Variants in CAB39L observed in about 807,000 individuals in gnomAD.
CAB39L encodes the protein calcium-binding protein 39-like.
In CAB39L, 23 loss-of-function variants were observed where a neutral mutation model predicts 39.1. The observed-to-expected ratio is 0.59, with a 90% CI of 0.42 to 0.83. The LOEUF (loss-of-function observed/expected upper bound fraction) is 0.83. CAB39L is among the 40% of genes least tolerant of loss of function. CAB39L has a pLI of 0.00. For missense variants in CAB39L, 366 were observed against 391.9 expected, an observed-to-expected ratio of 0.93 and a Z score of 0.56; for synonymous variants, 126 against 137.2, an observed-to-expected ratio of 0.92 and a Z score of 0.57.
intron 5 of CAB39L, among the ~76,000 whole-genome samples, chr13:49,375,474 A>G (rs967780031): frequency 5.9e-5 from 9 of 152,204 alleles, no homozygotes; most frequent in African/African-American, 2.2e-4. Flanking sequence ...ATGGAGACCT[A>G]AGATGGAGAG....
In CAB39L at chr13:49,359,067, G is replaced by A. The variant is rs187583730; in HGVS notation, c.395+647C>T. 2.2e-3 allele frequency among the ~76,000 whole-genome samples: 338 copies of A among 152,196 alleles called. 2 individuals are homozygous for A. Among genetic ancestry groups the A allele is most frequent in the African/African-American group, 7.8e-3 (322 of 41,498 alleles). Reference sequence around the variant, plus strand: ...ATAAAGAGACGTCCTGGTTTGAGATGGTGGAGTAGAAAGACAAGGGGAGGA... The same window carrying A: ...ATAAAGAGACGTCCTGGTTTGAGATAGTGGAGTAGAAAGACAAGGGGAGGA... On this transcript the variant is annotated intron_variant, in intron 6 of 10. Transcript: ENST00000409308.
intron 6 of CAB39L, 139 bp from the exon 7 acceptor site, chr13:49,351,051 A>T (rs1444206607): frequency 3.7e-6 from 2 of 547,436 alleles, no homozygotes; most frequent in Non-Finnish European, 5.9e-6. Context: ...ATATCCACTG[A>T]AGATCTACTA....
In CAB39L at chr13:49,344,166, G is replaced by T; in HGVS notation, c.624+13C>A. ...AGAAAGTGGGAAAGTCTTTAAAAAT[G>T]ATTTCTACTTACAGTGTCGTAATTT... On this transcript the variant is annotated intron_variant, in intron 8 of 10. Transcript: ENST00000409308. 2.0e-6 allele frequency: 3 copies of T among 1,500,786 alleles called. No homozygotes were observed. Among genetic ancestry groups the T allele is most frequent in the Non-Finnish European group, 2.8e-6 (3 of 1,077,580 alleles). The allele number at this position is 1,500,786 out of a possible 1,614,324, so 93.0% of individuals were successfully genotyped here. A position where few individuals can be genotyped will look rare whatever the true frequency, so the allele number is the denominator to read the frequency against.
intron 5 of CAB39L, among the ~76,000 whole-genome samples, chr13:49,365,055 G>T (rs1955737101): frequency 6.6e-6 from 1 of 152,066 alleles, no homozygotes; most frequent in African/African-American, 2.4e-5. Context: ...ATACTACAGA[G>T]CTATATAGTA....
chr13:49,382,175 A>T (rs1956264735), intron 4 of CAB39L, among the ~76,000 whole-genome samples: 1 of 152,086 alleles, frequency 6.6e-6, no homozygotes, highest in Non-Finnish European at 1.5e-5. Context: ...ACTTGCAAAA[A>T]AGCCATTTTT....
intron 10 of CAB39L, among the ~76,000 whole-genome samples, chr13:49,312,716 G>A (rs1454160818): frequency 6.6e-6 from 1 of 152,204 alleles, no homozygotes; most frequent in Non-Finnish European, 1.5e-5. Flanking sequence ...CTAGCTAGGA[G>A]CACGTGGGAG....
At chr13:49,338,641 T>C (rs1954916167) in intron 9 of CAB39L, among the ~76,000 whole-genome samples, 1 of 151,806 alleles carries the variant, frequency 6.6e-6, no homozygotes, top group African/African-American at 2.4e-5. Flanking sequence ...CCCTAAAACT[T>C]AAAGTATAAT....
chr13:49,373,547 A>G (rs1468723014), intron 5 of CAB39L, among the ~76,000 whole-genome samples: 2 of 152,222 alleles, frequency 1.3e-5, no homozygotes, highest in African/African-American at 4.8e-5. Context: ...TACTGAAATC[A>G]TATAATCATC....
intron 10 of CAB39L, among the ~76,000 whole-genome samples, chr13:49,323,485 A>G (rs1213245609): frequency 2.0e-5 from 3 of 152,202 alleles, no homozygotes; most frequent in Admixed American, 6.5e-5. Flanking sequence ...CTTCAGCTCC[A>G]TCGGAAGGTC....
At chr13:49,361,524 GAGAGAGAGACAGAAAAAA>G (rs1955632300) in intron 5 of CAB39L, among the ~76,000 whole-genome samples, 2 of 142,000 alleles carry the variant, frequency 1.4e-5, no homozygotes, top group African/African-American at 5.2e-5. Context: ...AGGAAAGAGA[GAGAGAGAGACAGAAAAAA>G]AGAGAGAGAA....
At chr13:49,359,447 T>C (rs1955571496) in intron 6 of CAB39L, among the ~76,000 whole-genome samples, 1 of 152,078 alleles carries the variant, frequency 6.6e-6, no homozygotes, top group South Asian at 2.1e-4. Context: ...TAAGCAATAC[T>C]GTAATAGGAA....
chr13:49,318,975 G>A (rs1051034899), intron 10 of CAB39L, among the ~76,000 whole-genome samples: 7 of 151,930 alleles, frequency 4.6e-5, no homozygotes, highest in Non-Finnish European at 1.0e-4. Flanking sequence ...GTACCGGGCC[G>A]GGTGCAGTGG....
intron 9 of CAB39L, among the ~76,000 whole-genome samples, chr13:49,337,736 A>ACACACG (rs1566072766): frequency 7.1e-5 from 1 of 14,084 alleles, no homozygotes; most frequent in Non-Finnish European, 1.9e-4. Context: ...TCTGGCGCAC[A>ACACACG]CACACACACA....
chr13:49,347,492 A>G (rs181861024), intron 7 of CAB39L, among the ~76,000 whole-genome samples: 5 of 152,248 alleles, frequency 3.3e-5, no homozygotes, highest in Admixed American at 2.0e-4. Context: ...TTAAAAAATG[A>G]ATTTACTTGT....
At chr13:49,430,928 C>A (rs1355742346) in intron 3 of CAB39L, among the ~76,000 whole-genome samples, 1 of 152,228 alleles carries the variant, frequency 6.6e-6, no homozygotes, top group Non-Finnish European at 1.5e-5. Context: ...ACTCAATCTG[C>A]AAGCCTTTCA....
intron 10 of CAB39L, among the ~76,000 whole-genome samples, chr13:49,315,016 C>T (rs1461706188): frequency 6.6e-6 from 1 of 152,180 alleles, no homozygotes; most frequent in Non-Finnish European, 1.5e-5. Flanking sequence ...GTTCTGAGAA[C>T]TGATGAGATG....
rs1594115524 is a variant in CAB39L, at chr13:49,443,980, A to C, written c.-246+6T>G. 2.2e-6 allele frequency: 1 copy of C among 456,396 alleles called. No individual in the cohort carries two copies. The highest frequency in any genetic ancestry group is 4.4e-6 in the Non-Finnish European group (1 of 226,918). The allele number at this position is 456,396 out of a possible 1,614,324, so 28.3% of individuals were successfully genotyped here. A position where few individuals can be genotyped will look rare whatever the true frequency, so the allele number is the denominator to read the frequency against. ...GCCACACACAAGATGGCAGCCTCAC[A>C]CCTACCGGAGGAAACAGCTGCGCCA... On this transcript the variant is annotated splice_donor_region_variant and intron_variant, in intron 1 of 10. Coordinates refer to ENST00000409308, the MANE Select transcript of CAB39L (RefSeq NM_001079670.3).
chr13:49,347,118 G>A (rs1309468394), intron 7 of CAB39L, among the ~76,000 whole-genome samples: 1 of 151,926 alleles, frequency 6.6e-6, no homozygotes, highest in Non-Finnish European at 1.5e-5. Context: ...GTGATTTATG[G>A]TCATTGTTAC....
At chr13:49,326,102 G>A (rs868504637) in intron 10 of CAB39L, among the ~76,000 whole-genome samples, 39 of 152,180 alleles carry the variant, frequency 2.6e-4, no homozygotes, top group African/African-American at 8.7e-4. Context: ...AGCTCTGAGC[G>A]AGCAAACGAC....
Sources: gnomAD v4.1 joint callset for allele counts (sites outside exome capture counted in the v4.1 genomes callset) on GRCh38, gnomAD v4.1.1 for gene constraint, MANE v1.5 for transcripts, NCBI Gene and HGNC (gene_info 2026-07-23, HGNC 2026-07-21) for gene names.